CYP2J2: variants seen among roughly 807,000 people sequenced by gnomAD.
CYP2J2 encodes the protein cytochrome P450 2J2.
A neutral mutation model predicts 48.8 loss-of-function variants in CYP2J2; 41 were observed. The observed-to-expected ratio is 0.84, with a 90% CI of 0.66 to 1.09. CYP2J2 has a LOEUF of 1.09. CYP2J2 is among the 50% of genes least tolerant of loss of function. The pLI, the probability that CYP2J2 is intolerant of heterozygous loss-of-function variation, is 0.00. For missense variants in CYP2J2, 644 were observed against 617.3 expected (o/e 1.04, Z -0.46); for synonymous variants, 221 against 227.1 (o/e 0.97, Z 0.24).
chr1:59,954,369 C>T, the CYP2J2 span, among the ~76,000 whole-genome samples: 1 of 152,290 alleles, frequency 6.6e-6, no homozygotes, highest in South Asian at 2.1e-4. Context: ...TATCTGTCTA[C>T]ATCTCCTCCA....
At chr1:59,898,647 G>A (rs1050662678) in intron 8 of CYP2J2, among the ~76,000 whole-genome samples, 5 of 152,170 alleles carry the variant, frequency 3.3e-5, no homozygotes, top group South Asian at 2.1e-4. Context: ...CATTCTAGTC[G>A]TACTAGAGAG....
At chr1:59,955,253 CATATATATATCCAT>C in the CYP2J2 span, among the ~76,000 whole-genome samples, 49,276 of 107,486 alleles carry the variant, frequency 0.46, 10,625 homozygotes, top group South Asian at 0.66. Flanking sequence ...TATATATATC[CATATATATATCCAT>C]ATATATATAT....
chr1:59,911,846 G>T, intron 3 of CYP2J2, 78 bp from the exon 4 acceptor site: 2 of 1,413,740 alleles, frequency 1.4e-6, no homozygotes, highest in South Asian at 2.6e-5. Context: ...ACTTTACATG[G>T]CATAAGACAT....
the CYP2J2 span, among the ~76,000 whole-genome samples, chr1:59,935,293 G>A: frequency 1.3e-5 from 2 of 151,874 alleles, no homozygotes; most frequent in African/African-American, 4.8e-5. Context: ...GTACACACCT[G>A]CAGTTATAAG....
At chr1:59,925,145 A>T (rs1557431367) in intron 1 of CYP2J2, among the ~76,000 whole-genome samples, 2 of 152,188 alleles carry the variant, frequency 1.3e-5, no homozygotes, top group African/African-American at 4.8e-5. Context: ...TTCTAAATAC[A>T]TGAAGGAAAA....
chr1:59,955,169 A>ATAAT, the CYP2J2 span, among the ~76,000 whole-genome samples: 1 of 147,752 alleles, frequency 6.8e-6, no homozygotes. Flanking sequence ...AAATAAATAA[A>ATAAT]TAATTAAAAA....
intron 8 of CYP2J2, among the ~76,000 whole-genome samples, chr1:59,898,657 GA>G (rs1382205563): frequency 1.3e-5 from 2 of 152,324 alleles, no homozygotes; most frequent in East Asian, 3.9e-4. Flanking sequence ...GTACTAGAGA[GA>G]ACACTAGACT....
the CYP2J2 span, among the ~76,000 whole-genome samples, chr1:59,949,139 T>G: frequency 6.6e-6 from 1 of 152,166 alleles, no homozygotes; most frequent in Non-Finnish European, 1.5e-5. Context: ...CTACCCTGTC[T>G]CTGTTGTTGC....
chr1:59,949,890 C>T, the CYP2J2 span, among the ~76,000 whole-genome samples: 1 of 151,910 alleles, frequency 6.6e-6, no homozygotes, highest in African/African-American at 2.4e-5. Flanking sequence ...TATTGTTTGC[C>T]TTACTACTTT....
chr1:59,955,778 G>A, the CYP2J2 span, among the ~76,000 whole-genome samples: 1 of 152,136 alleles, frequency 6.6e-6, no homozygotes, highest in South Asian at 2.1e-4. Context: ...GAAGAAGGGG[G>A]TTGGCTGTAT....
chr1:59,904,045 G>C (rs989633420), intron 7 of CYP2J2, among the ~76,000 whole-genome samples: 24 of 152,038 alleles, frequency 1.6e-4, no homozygotes, highest in Non-Finnish European at 3.5e-4. Context: ...AATGAATATT[G>C]CACACGCTTA....
upstream of CYP2J2, among the ~76,000 whole-genome samples, chr1:59,929,604 G>T (rs1036257788): frequency 6.6e-6 from 1 of 152,128 alleles, no homozygotes; most frequent in Admixed American, 6.5e-5. Context: ...ATTTTGAATT[G>T]AAAATTGCAA....
intron 8 of CYP2J2, among the ~76,000 whole-genome samples, chr1:59,896,520 G>A (rs1393058288): frequency 1.3e-5 from 2 of 151,534 alleles, no homozygotes; most frequent in African/African-American, 4.9e-5. Flanking sequence ...TTTACTTATT[G>A]GATCAGTATC....
chr1:59,897,950 GT>G (rs1644283979), intron 8 of CYP2J2, among the ~76,000 whole-genome samples: 1 of 152,148 alleles, frequency 6.6e-6, no homozygotes, highest in Non-Finnish European at 1.5e-5. Flanking sequence ...TTGTGTTGAT[GT>G]TTTGTCAACC....
chr1:59,930,781 C>A (rs1311731576), upstream of CYP2J2, among the ~76,000 whole-genome samples: 1 of 151,492 alleles, frequency 6.6e-6, no homozygotes, highest in African/African-American at 2.4e-5. Flanking sequence ...AAAAATACAA[C>A]AAATGAGAGA....
chr1:59,950,801 T>C, the CYP2J2 span, among the ~76,000 whole-genome samples: 3 of 152,318 alleles, frequency 2.0e-5, no homozygotes, highest in Admixed American at 1.3e-4. Context: ...TGATGCTGGC[T>C]GTCTGCTGGG....
the CYP2J2 span, among the ~76,000 whole-genome samples, chr1:59,967,599 T>C: frequency 6.6e-6 from 1 of 152,176 alleles, no homozygotes; most frequent in Non-Finnish European, 1.5e-5. Context: ...TCTGAGCATA[T>C]ATCCCTGAGC....
At chr1:59,965,785 G>A in the CYP2J2 span, among the ~76,000 whole-genome samples, 1 of 152,118 alleles carries the variant, frequency 6.6e-6, no homozygotes, top group Non-Finnish European at 1.5e-5. Flanking sequence ...CCGAGTAGCT[G>A]GGATTACAGG....
At chr1:59,952,529 A>G in the CYP2J2 span, among the ~76,000 whole-genome samples, 2 of 152,088 alleles carry the variant, frequency 1.3e-5, no homozygotes, top group Non-Finnish European at 2.9e-5. Flanking sequence ...GGAGGCAGTG[A>G]GGGCAGCCGA....
Sources: gnomAD v4.1 joint callset for allele counts (sites outside exome capture counted in the v4.1 genomes callset) on GRCh38, gnomAD v4.1.1 for gene constraint, MANE v1.5 for transcripts, NCBI Gene and HGNC (gene_info 2026-07-23, HGNC 2026-07-21) for gene names.